The following IFIH1 variants were observed in gnomAD, a reference collection of about 807,000 sequenced individuals.
IFIH1 encodes interferon induced with helicase C domain 1.
In IFIH1, 125 loss-of-function variants were observed where a neutral mutation model predicts 107.4. The ratio of observed to expected loss-of-function variants is 1.16; its 90% confidence interval spans 1.01 to 1.35. The LOEUF (loss-of-function observed/expected upper bound fraction) is 1.35. IFIH1 is among the 40% of genes most tolerant of loss of function. The pLI is 0.00. For synonymous variants in IFIH1, 458 were observed against 413.2 expected, an observed-to-expected ratio of 1.11 and a Z score of -1.31; for missense variants, 1,333 against 1,213.7, an observed-to-expected ratio of 1.10 and a Z score of -1.46.
intron 3 of IFIH1, among the ~76,000 whole-genome samples, chr2:162,304,195 C>G (rs1015899181): frequency 2.0e-5 from 3 of 152,302 alleles, no homozygotes; most frequent in African/African-American, 7.2e-5. Flanking sequence ...AACAGCAGCT[C>G]AAGCCTATAA....
intron 14 of IFIH1, 140 bp downstream of exon 14, chr2:162,267,947 T>C: frequency 3.4e-6 from 2 of 589,746 alleles, no homozygotes; most frequent in Non-Finnish European, 5.7e-6. Flanking sequence ...ACATTTAAAA[T>C]AGGAATATAA....
intron 1 of IFIH1, among the ~76,000 whole-genome samples, chr2:162,314,388 C>G (rs1318563888): frequency 1.4e-4 from 8 of 55,834 alleles, no homozygotes; most frequent in African/African-American, 2.3e-4. Flanking sequence ...CCCTCCCTCC[C>G]TCCCTCCCTC....
At chr2:162,275,897 T>C (rs1421319217) in intron 11 of IFIH1, among the ~76,000 whole-genome samples, 1 of 152,184 alleles carries the variant, frequency 6.6e-6, no homozygotes, top group Admixed American at 6.5e-5. Context: ...AAAACCTACT[T>C]ACCAGAATCC....
intron 1 of IFIH1, 140 bp downstream of exon 1, chr2:162,317,715 T>C: frequency 1.5e-6 from 1 of 663,640 alleles, no homozygotes; most frequent in Non-Finnish European, 2.6e-6. Flanking sequence ...TGTCTTAAAG[T>C]GCCTAGATGT....
At chr2:162,296,919 C>T (rs954220912) in intron 3 of IFIH1, among the ~76,000 whole-genome samples, 1 of 152,016 alleles carries the variant, frequency 6.6e-6, no homozygotes, top group African/African-American at 2.4e-5. Flanking sequence ...ATATATGGAG[C>T]TCGATTTCTT....
chr2:162,311,968 C>G (rs1683391609), intron 1 of IFIH1, among the ~76,000 whole-genome samples: 1 of 152,116 alleles, frequency 6.6e-6, no homozygotes. Flanking sequence ...GTTAGGAACT[C>G]AGATATTAAA....
At chr2:162,269,889 G>C (rs1232227757) in intron 13 of IFIH1, among the ~76,000 whole-genome samples, 5 of 152,146 alleles carry the variant, frequency 3.3e-5, no homozygotes, top group Admixed American at 3.3e-4. Context: ...AATTTCCTAT[G>C]TAAATTATAG....
At position 162,314,474 on chromosome 2, in the gene IFIH1, TTCTTTCTTTC is replaced by T. The variant is rs1558877576; in HGVS notation, c.453+3371_453+3380del. ...TTTCTTTCTTTCTTTCTTTCTTTCT[TTCTTTCTTTC>T]TTTTTCTTTCTCTCTTTCTTATTAG... On this transcript the variant is annotated intron_variant, in intron 1 of 15. Coordinates refer to ENST00000649979, the MANE Select transcript of IFIH1 (RefSeq NM_022168.4). Among the ~76,000 whole-genome samples, 348 of 132,460 alleles carry T rather than the reference TTCTTTCTTTC, an allele frequency of 2.6e-3. 52 individuals are homozygous for T. Among genetic ancestry groups the T allele is most frequent in the African/African-American group, 0.011 (331 of 29,246 alleles). The allele number at this position is 132,460 out of a possible 152,430, so 86.9% of individuals were successfully genotyped here.
chr2:162,304,630 C>A, intron 3 of IFIH1, among the ~76,000 whole-genome samples: 1 of 151,678 alleles, frequency 6.6e-6, no homozygotes, highest in Non-Finnish European at 1.5e-5. Flanking sequence ...AGATGAATAC[C>A]CTAATAGAAA....
intron 2 of IFIH1, among the ~76,000 whole-genome samples, chr2:162,308,625 G>C (rs10200819): frequency 6.6e-6 from 1 of 151,970 alleles, no homozygotes; most frequent in Non-Finnish European, 1.5e-5. Flanking sequence ...TGATCCACCC[G>C]TCTTGGCCTC....
intron 11 of IFIH1, among the ~76,000 whole-genome samples, chr2:162,275,381 T>C (rs1448991069): frequency 1.3e-5 from 2 of 152,144 alleles, no homozygotes; most frequent in Admixed American, 6.6e-5. Context: ...ACAGAACTCA[T>C]AAGAATCAAC....
chr2:162,304,461 C>A (rs1207715297), intron 3 of IFIH1, among the ~76,000 whole-genome samples: 2 of 152,034 alleles, frequency 1.3e-5, no homozygotes, highest in Non-Finnish European at 2.9e-5. Context: ...CAGAGCAAGA[C>A]CCTGTCCCCG....
intron 3 of IFIH1, among the ~76,000 whole-genome samples, chr2:162,301,945 G>A (rs1030161848): frequency 6.6e-6 from 1 of 152,046 alleles, no homozygotes; most frequent in Non-Finnish European, 1.5e-5. Flanking sequence ...TTGGAAAAGG[G>A]CAAATAAAAA....
chr2:162,279,957 G>C, intron 8 of IFIH1, 39 bp downstream of exon 8: 1 of 1,014,114 alleles, frequency 9.9e-7, no homozygotes, highest in South Asian at 1.3e-5. Context: ...ACTGAATGTA[G>C]TATTGTCAAT....
Position 162,276,672 on chromosome 2 carries a change from AAAGGATATTT to A in IFIH1, c.2304+5_2304+14del, listed in dbSNP as rs1405423236. The A allele has an allele frequency of 1.3e-6, 2 of 1,585,444 alleles. No homozygotes were observed. The highest frequency in any genetic ancestry group is 4.5e-5 in the East Asian group (2 of 44,530). ...GAAAGAAAAGAAAAGAAGTCGTCCA[AAAGGATATTT>A]ATACCTGTGTCATGGGTTTGAACTC... On this transcript the variant is annotated splice_donor_5th_base_variant and intron_variant, in intron 11 of 15. Coordinates refer to ENST00000649979, the MANE Select transcript of IFIH1 (RefSeq NM_022168.4).
chr2:162,307,012 T>C, intron 2 of IFIH1, 157 bp from the exon 3 acceptor site: 1 of 593,104 alleles, frequency 1.7e-6, no homozygotes, highest in Admixed American at 3.2e-5. Flanking sequence ...AGAATGTAAA[T>C]TGTATTGCAA....
At chr2:162,285,498 T>C (rs1469898151) in intron 5 of IFIH1, among the ~76,000 whole-genome samples, 1 of 151,864 alleles carries the variant, frequency 6.6e-6, no homozygotes, top group Non-Finnish European at 1.5e-5. Context: ...TAATTTAAAA[T>C]TCAAAAAGAT....
intron 3 of IFIH1, among the ~76,000 whole-genome samples, chr2:162,304,415 T>C (rs1683244952): frequency 6.6e-6 from 1 of 152,146 alleles, no homozygotes; most frequent in African/African-American, 2.4e-5. Flanking sequence ...TGAGCTGTGT[T>C]TGTGCCACTG....
At chr2:162,271,318 G>A (rs544313465) in intron 13 of IFIH1, among the ~76,000 whole-genome samples, 19 of 152,130 alleles carry the variant, frequency 1.2e-4, no homozygotes, top group African/African-American at 4.3e-4. Context: ...GGACATGGAT[G>A]AAACTGAAAA....
Sources: gnomAD v4.1 joint callset for allele counts (sites outside exome capture counted in the v4.1 genomes callset) on GRCh38, gnomAD v4.1.1 for gene constraint, MANE v1.5 for transcripts, NCBI Gene and HGNC (gene_info 2026-07-23, HGNC 2026-07-21) for gene names.